NFIC: variants seen among roughly 807,000 people sequenced by gnomAD.
NFIC encodes nuclear factor 1 C-type.
A neutral mutation model predicts 54.4 loss-of-function variants in NFIC; 12 were observed. The observed-to-expected ratio is 0.22, with a 90% CI of 0.14 to 0.36. The LOEUF (loss-of-function observed/expected upper bound fraction) is 0.36. Among genes scored for constraint, NFIC ranks in the 10% least tolerant of loss-of-function variants. NFIC has a pLI of 1.00. For missense variants in NFIC, 575 were observed against 718.2 expected, an observed-to-expected ratio of 0.80 and a Z score of 2.28; for synonymous variants, 322 against 319.2, an observed-to-expected ratio of 1.01 and a Z score of -0.09.
In NFIC at chr19:3,366,682, GGCCCCCCGCCGGCGCCCCCGC is replaced by G. The variant is rs779597561; in HGVS notation, c.30+26_30+46del. 2.6e-5 allele frequency: 37 copies of G among 1,397,954 alleles called. No individual in the cohort carries two copies. The South Asian group carries it at 5.8e-4, about 22-fold the overall frequency. 86.6% of individuals were successfully genotyped at this position (1,397,954 alleles called of 1,614,324 possible). ...CCTCACCCAGGTACGGTCCTCGCCC[GGCCCCCCGCCGGCGCCCCCGC>G]GCCCCCCGCATCCCAGCCCCGGAGT... On this transcript the variant is annotated intron_variant, in intron 1 of 10. Transcript: ENST00000443272.
chr19:3,445,523 G>T (rs149637220), intron 6 of NFIC, among the ~76,000 whole-genome samples: 2 of 152,284 alleles, frequency 1.3e-5, no homozygotes, highest in African/African-American at 4.8e-5. Flanking sequence ...CTCCAGAGCC[G>T]GGTGTTCCCG....
At chr19:3,366,786 C>A in intron 1 of NFIC, 120 bp downstream of exon 1, 2 of 668,134 alleles carry the variant, frequency 3.0e-6, no homozygotes, top group Non-Finnish European at 4.5e-6. Flanking sequence ...CATCCCTGCC[C>A]GGGATGCCCC....
rs1216755533 is a variant in NFIC at position 3,369,949 on chromosome 19, A to G, written c.30+3283A>G. Among the ~76,000 whole-genome samples, 1 of 152,150 alleles carries G rather than the reference A, an allele frequency of 6.6e-6. No individual in the cohort carries two copies. The highest frequency in any genetic ancestry group is 1.5e-5 in the Non-Finnish European group (1 of 68,000). On this transcript the variant is annotated intron_variant, in intron 1 of 10. Transcript: ENST00000443272. This position sits in a 1 kb window ranked among gnomAD's most constrained non-coding sequence, Gnocchi z 4.3. Reference sequence around the variant, plus strand: ...TGTGCTTTGCTGCCATTTCTCCAGCAGGGTAACCGAGGCTGGGAGAGGCTG... The same window carrying G: ...TGTGCTTTGCTGCCATTTCTCCAGCGGGGTAACCGAGGCTGGGAGAGGCTG...
intron 1 of NFIC, among the ~76,000 whole-genome samples, chr19:3,374,501 T>C (rs933033505): frequency 2.0e-5 from 3 of 152,212 alleles, no homozygotes; most frequent in African/African-American, 7.2e-5. Flanking sequence ...ATGGTGAAAA[T>C]AGACCTTACT....
intron 2 of NFIC, among the ~76,000 whole-genome samples, chr19:3,384,525 C>A (rs1334094407): frequency 1.3e-5 from 2 of 152,162 alleles, no homozygotes; most frequent in Admixed American, 6.5e-5. Context: ...AGTAGCTGGG[C>A]TTACAGGTGA....
In NFIC at chr19:3,463,381, A is replaced by AG; in HGVS notation, c.*613dup. 1.0e-6 allele frequency: 1 copy of AG among 985,900 alleles called. No homozygotes were observed. Among genetic ancestry groups the AG allele is most frequent in the African/African-American group, 1.7e-5 (1 of 57,334 alleles). 61.1% of individuals were successfully genotyped at this position (985,900 alleles called of 1,614,324 possible). On this transcript the variant is annotated 3_prime_UTR_variant, in exon 11 of 11. Transcript: ENST00000443272. The stretch of plus-strand genomic sequence containing the variant: ...ACCCCGGCCGGGCAGCGGAGACCGC[A>AG]GAGGCGGGCAGGGTGGGGCAGGCGA...
rs115379587 is a variant in NFIC, at chr19:3,438,104, A to G, written c.958+2897A>G. On this transcript the variant is annotated intron_variant, in intron 6 of 10. Transcript: ENST00000443272. ...TGAGCCAAAGCAACCCTGAGAGGAA[A>G]AATTGTAGCTTTAAGTCTATTTATT... 2.7e-3 allele frequency among the ~76,000 whole-genome samples: 411 copies of G among 152,298 alleles called. 1 individual carries two copies. The highest frequency in any genetic ancestry group is 9.5e-3 in the African/African-American group (396 of 41,552).
At chr19:3,418,147 G>A (rs1162017428) in intron 2 of NFIC, among the ~76,000 whole-genome samples, 1 of 144,592 alleles carries the variant, frequency 6.9e-6, no homozygotes, top group Non-Finnish European at 1.5e-5. Context: ...CACCCAAGCT[G>A]GAGTGCGGTG....
rs1481453195 is a variant in NFIC, at chr19:3,375,070, GA to G, written c.31-6641del. Among the ~76,000 whole-genome samples, 1 of 151,284 alleles carries G rather than the reference GA, an allele frequency of 6.6e-6. No homozygotes were observed. The highest frequency in any genetic ancestry group is 1.5e-5 in the Non-Finnish European group (1 of 67,830). On this transcript the variant is annotated intron_variant, in intron 1 of 10. Coordinates refer to ENST00000443272, the MANE Select transcript of NFIC (RefSeq NM_001245002.2). This position sits in a 1 kb window ranked among gnomAD's most constrained non-coding sequence, Gnocchi z 4.6. Reference sequence around the variant, plus strand: ...GAGGAGGAAGGGAACTCAGATCTACGAGGGGCCAGATGAGAAAAGGAATTAA... The same window carrying G: ...GAGGAGGAAGGGAACTCAGATCTACGGGGGCCAGATGAGAAAAGGAATTAA...
At chr19:3,394,793 A>T (rs1025861650) in intron 2 of NFIC, among the ~76,000 whole-genome samples, 2 of 151,868 alleles carry the variant, frequency 1.3e-5, no homozygotes, top group Non-Finnish European at 2.9e-5. Flanking sequence ...TGCCCCTACG[A>T]GCATGAACCC....
chr19:3,446,933 G>C (rs1354969505), intron 6 of NFIC, among the ~76,000 whole-genome samples: 2 of 152,146 alleles, frequency 1.3e-5, no homozygotes, highest in African/African-American at 4.8e-5. Flanking sequence ...GGCTGAGGTG[G>C]GAGGATCACT....
chr19:3,389,016 A>T (rs2081340680), intron 2 of NFIC, among the ~76,000 whole-genome samples: 1 of 152,056 alleles, frequency 6.6e-6, no homozygotes, highest in South Asian at 2.1e-4. Flanking sequence ...AATAAAAGGG[A>T]GGTGGTATTG....
In NFIC at chr19:3,439,409, G is replaced by A. The variant is rs1048260573; in HGVS notation, c.958+4202G>A. On this transcript the variant is annotated intron_variant, in intron 6 of 10. Coordinates refer to ENST00000443272, the MANE Select transcript of NFIC (RefSeq NM_001245002.2). ...TGTAATCCCAGCACTTTGGGAGGCC[G>A]AGGCAGGCGGATCACCTGAGGTCAG... Among the ~76,000 whole-genome samples the A allele has an allele frequency of 5.1e-5, 7 of 138,416 alleles. 1 individual carries two copies. The East Asian group carries it at 6.9e-4, about 14-fold the overall frequency. The allele number at this position is 138,416 out of a possible 152,430, so 90.8% of individuals were successfully genotyped here.
rs534231939 is a variant in NFIC, at chr19:3,420,469, C to T, written c.563-4637C>T. Among the ~76,000 whole-genome samples the T allele has an allele frequency of 1.3e-4, 20 of 151,804 alleles. No individual in the cohort carries two copies. In the South Asian group the frequency reaches 3.5e-3, roughly 27 times the overall value. ...TGGGAGGCTGGGAATTGCTTGAGCCCGGGAGGCGGAGATTGCAATGAGCTG... is the reference window on the plus strand; with the variant it reads ...TGGGAGGCTGGGAATTGCTTGAGCCTGGGAGGCGGAGATTGCAATGAGCTG... On this transcript the variant is annotated intron_variant, in intron 2 of 10. Transcript: ENST00000443272.
chr19:3,390,375 G>A (rs961216864), intron 2 of NFIC, among the ~76,000 whole-genome samples: 7 of 152,304 alleles, frequency 4.6e-5, no homozygotes, highest in African/African-American at 7.2e-5. Flanking sequence ...AAAGAGGGAC[G>A]GGCAGGTGGG....
chr19:3,460,065 C>T (rs887104255), intron 10 of NFIC, among the ~76,000 whole-genome samples: 1 of 152,252 alleles, frequency 6.6e-6, no homozygotes, highest in African/African-American at 2.4e-5. Flanking sequence ...GAGGCCGGAG[C>T]TGTCCCCAAA....
intron 1 of NFIC, among the ~76,000 whole-genome samples, chr19:3,360,976 C>T (rs919279704): frequency 9.9e-5 from 15 of 152,204 alleles, no homozygotes; most frequent in Non-Finnish European, 1.6e-4. Flanking sequence ...CTCCCGGCCT[C>T]GCCTCCCCCA....
chr19:3,455,044 T>G (rs1379056294), intron 9 of NFIC, among the ~76,000 whole-genome samples: 2 of 152,190 alleles, frequency 1.3e-5, no homozygotes, highest in African/African-American at 4.8e-5. Context: ...TGGGTTTGCC[T>G]TGGTGCCCAA....
At chr19:3,447,704 CCT>C (rs750784746) in intron 6 of NFIC, among the ~76,000 whole-genome samples, 32 of 152,172 alleles carry the variant, frequency 2.1e-4, no homozygotes, top group Non-Finnish European at 3.8e-4. Context: ...TACAGAATCC[CCT>C]GTTTTATGAA....
Sources: allele counts gnomAD v4.1 joint callset (sites outside exome capture counted in the v4.1 genomes callset), GRCh38; gene constraint gnomAD v4.1.1; non-coding constraint Gnocchi (gnomAD v3.1); transcripts MANE v1.5; gene names NCBI Gene and HGNC (gene_info 2026-07-23, HGNC 2026-07-21).